Variants in ITGAL observed in about 807,000 individuals in gnomAD.
The protein encoded by ITGAL is integrin alpha-L.
Under a neutral mutation model 138.4 loss-of-function variants are expected in ITGAL, and 68 were observed. That is an observed-to-expected ratio of 0.49 (90% CI 0.40 to 0.60). The LOEUF (loss-of-function observed/expected upper bound fraction) is 0.60, where lower values mean the gene tolerates loss of function less well. ITGAL is among the 20% of genes least tolerant of loss of function. The probability of loss-of-function intolerance (pLI) is 0.00; values close to 1 mark genes in which losing one functional copy is unlikely to be tolerated. For missense variants in ITGAL, 1,256 were observed against 1,478.6 expected, an observed-to-expected ratio of 0.85 and a Z score of 2.47; for synonymous variants, 561 against 584.3, an observed-to-expected ratio of 0.96 and a Z score of 0.57.
chr16:30,493,600 A>G (rs2050757853), intron 11 of ITGAL, among the ~76,000 whole-genome samples: 1 of 152,054 alleles, frequency 6.6e-6, no homozygotes, highest in African/African-American at 2.4e-5. Context: ...ATTATTTAAG[A>G]AAAAAGAGGC....
chr16:30,484,337 G>T (rs529546830), intron 9 of ITGAL, 74 bp downstream of exon 9: 3 of 1,430,970 alleles, frequency 2.1e-6, no homozygotes, highest in South Asian at 2.6e-5. Flanking sequence ...GGCCGGGCTT[G>T]GTGGCTCACA....
chr16:30,489,417 C>T (rs1247777770), intron 11 of ITGAL, 31 bp downstream of exon 11: 1 of 1,609,808 alleles, frequency 6.2e-7, no homozygotes, highest in Non-Finnish European at 8.5e-7. Flanking sequence ...CTGGGATCTT[C>T]TGGTTGTTGA....
intron 18 of ITGAL, among the ~76,000 whole-genome samples, chr16:30,504,489 G>C (rs2050953737): frequency 6.6e-6 from 1 of 152,054 alleles, no homozygotes; most frequent in South Asian, 2.1e-4. Context: ...GTGCACTTGA[G>C]GCCAGGAGTT....
At chr16:30,502,499 C>A (rs986926971) in intron 17 of ITGAL, among the ~76,000 whole-genome samples, 2 of 151,370 alleles carry the variant, frequency 1.3e-5, no homozygotes, top group Non-Finnish European at 2.9e-5. Flanking sequence ...GTAATCCCAG[C>A]ACTTTGGGAG....
chr16:30,505,433 A>C lies in ITGAL; in HGVS notation c.2337A>C (p.Ala779=). Residue 779 remains alanine (A), a synonymous_variant, in exon 20 of 31, where the codon GCA becomes GCC. Coordinates refer to ENST00000356798, the MANE Select transcript of ITGAL (RefSeq NM_002209.3). The part of the protein sequence containing the change: ...KNCGEDKKCE[A]NLRVSFSPAR... Reference sequence around the variant, plus strand: ...GTGGGGAGGACAAGAAGTGTGAGGCAAACTTGAGAGTGTCCTTCTCTCCTG... The same window carrying C: ...GTGGGGAGGACAAGAAGTGTGAGGCCAACTTGAGAGTGTCCTTCTCTCCTG... 2 of 1,613,984 alleles carry C rather than the reference A, an allele frequency of 1.2e-6. No homozygotes were observed. The highest frequency in any genetic ancestry group is 1.7e-6 in the Non-Finnish European group (2 of 1,179,988).
At position 30,499,115 on chromosome 16, in the gene ITGAL, C is replaced by T; in HGVS notation, c.1874C>T (p.Ser625Phe). Residue 625 changes from serine (S) to phenylalanine (F), a missense_variant, in exon 16 of 31, where the codon TCT becomes TTT. Physicochemically the swap from Ser to Phe is radical, Grantham distance 155. Transcript: ENST00000356798. ...GATATGGTCACCCTGATGTCCTTCT[C>T]TCCAGCTGAGATCCCAGTGCATGAA... ...VVDMVTLMSF[S>F]PAEIPVHEVE... 6.2e-7 allele frequency: 1 copy of T among 1,614,134 alleles called. No individual in the cohort carries two copies. The highest frequency in any genetic ancestry group is 8.5e-7 in the Non-Finnish European group (1 of 1,180,032).
Position 30,506,709 on chromosome 16 carries a change from C to T in ITGAL, c.2367-6C>T. On this transcript the variant is annotated splice_region_variant and splice_polypyrimidine_tract_variant and intron_variant, in intron 20 of 30. Coordinates refer to ENST00000356798, the MANE Select transcript of ITGAL (RefSeq NM_002209.3). ...TCCTCCATCTTTCCCTGATCATCCC[C>T]CACAGATCCAGAGCCCTGCGTCTAA... 5 of 1,612,626 alleles carry T rather than the reference C, an allele frequency of 3.1e-6. No individual in the cohort carries two copies. Among genetic ancestry groups the T allele is most frequent in the South Asian group, 1.1e-5 (1 of 90,992 alleles).
chr16:30,519,014 A>G lies in ITGAL; in HGVS notation c.3228+295A>G, dbSNP rs142422097. Among the ~76,000 whole-genome samples the G allele has an allele frequency of 7.0e-3, 1,073 of 152,254 alleles. 14 individuals carry two copies. The highest frequency in any genetic ancestry group is 0.024 in the African/African-American group (1,003 of 41,524). On this transcript the variant is annotated intron_variant, in intron 29 of 30. Coordinates refer to ENST00000356798, the MANE Select transcript of ITGAL (RefSeq NM_002209.3). ...CAAGGTAGGCAGATCACATGAAGTG[A>G]GGAGTTCAAGACCAGCCTGGCCAAC...
At chr16:30,475,150 G>T in intron 2 of ITGAL, 156 bp from the exon 3 acceptor site, 1 of 611,422 alleles carries the variant, frequency 1.6e-6, no homozygotes, top group Non-Finnish European at 3.0e-6. Context: ...AAAGTTACAG[G>T]CATGAGCCAC....
At chr16:30,495,184 C>G (rs1354422559) in intron 13 of ITGAL, among the ~76,000 whole-genome samples, 1 of 152,130 alleles carries the variant, frequency 6.6e-6, no homozygotes, top group African/African-American at 2.4e-5. Flanking sequence ...GCCACCATGC[C>G]CAGCTAATTT....
rs561246466 is a variant in ITGAL, at chr16:30,513,137, A to T, written c.2787-634A>T. ...GGCTTGGACTGGGGTCTGGAGGATG[A>T]GGCCATTAGGGGAAGAGCTAAAAAG... On this transcript the variant is annotated intron_variant, in intron 24 of 30. Coordinates refer to ENST00000356798, the MANE Select transcript of ITGAL (RefSeq NM_002209.3). 7.9e-5 allele frequency among the ~76,000 whole-genome samples: 12 copies of T among 152,332 alleles called. No individual in the cohort carries two copies. In the South Asian group the frequency reaches 2.5e-3, roughly 32 times the overall value.
At chr16:30,503,417 T>C (rs1355420177) in intron 17 of ITGAL, among the ~76,000 whole-genome samples, 1 of 150,522 alleles carries the variant, frequency 6.6e-6, no homozygotes, top group Non-Finnish European at 1.5e-5. Flanking sequence ...AGGACAACTG[T>C]GCCACCTTTT....
chr16:30,474,025 G>A (rs1356928175), intron 1 of ITGAL, 171 bp from the exon 2 acceptor site: 6 of 697,374 alleles, frequency 8.6e-6, no homozygotes, highest in Non-Finnish European at 1.6e-5. Flanking sequence ...GCTCTAGGGG[G>A]GCCGGGAGTT....
At chr16:30,514,439 G>A (rs1755393405) in intron 25 of ITGAL, among the ~76,000 whole-genome samples, 1 of 152,122 alleles carries the variant, frequency 6.6e-6, no homozygotes, top group South Asian at 2.1e-4. Context: ...ACCATGCCCG[G>A]CTAATTTTTG....
intron 18 of ITGAL, among the ~76,000 whole-genome samples, chr16:30,504,721 A>G (rs528270572): frequency 0.012 from 1,833 of 151,134 alleles, 37 homozygotes; most frequent in African/African-American, 0.043. Flanking sequence ...AGAAGAAAAA[A>G]AAAAAAAAGA....
rs549814414 is a variant in ITGAL at position 30,507,856 on chromosome 16, TG to T, written c.2508+1001del. On this transcript the variant is annotated intron_variant, in intron 21 of 30. Coordinates refer to ENST00000356798, the MANE Select transcript of ITGAL (RefSeq NM_002209.3). ...ATAGACCATATTTTACCTATTTATC[TG>T]TCAATGAACACTTGAATTATTCTTT... is the stretch of plus-strand genomic sequence containing the variant. Among the ~76,000 whole-genome samples the T allele has an allele frequency of 9.7e-4, 147 of 152,234 alleles. 1 individual carries two copies. Among genetic ancestry groups the T allele is most frequent in the Non-Finnish European group, 1.6e-3 (109 of 68,020 alleles).
At chr16:30,517,960 G>A (rs943230476) in intron 28 of ITGAL, 65 bp downstream of exon 28, 100 of 1,323,058 alleles carry the variant, frequency 7.6e-5, no homozygotes, top group South Asian at 1.2e-4. Flanking sequence ...GCCGTTGTGG[G>A]TGGGCTCCCA....
Position 30,521,610 on chromosome 16 carries a change from G to A in ITGAL, c.3458G>A (p.Gly1153Asp). Residue 1153 changes from glycine to aspartate, a missense_variant, in exon 31 of 31, where the codon GGC becomes GAC. Physicochemically the swap from Gly to Asp is moderately conservative, Grantham distance 94. Around this residue, in one of 3 missense-constraint regions of ITGAL, gnomAD observed 867 missense variants for 972.5 expected, o/e 0.89. Coordinates refer to ENST00000356798, the MANE Select transcript of ITGAL (RefSeq NM_002209.3). ...LASGQEAGDP[G>D]CLKPLHEKDS... ...TCTGGGCAAGAGGCTGGGGATCCCG[G>A]CTGCCTGAAGCCCCTCCATGAGAAG... is the stretch of plus-strand genomic sequence containing the variant. 1.2e-6 allele frequency: 2 copies of A among 1,614,152 alleles called. No homozygotes were observed. The highest frequency in any genetic ancestry group is 1.7e-6 in the Non-Finnish European group (2 of 1,180,032).
chr16:30,512,587 A>G (rs115229322), intron 24 of ITGAL, among the ~76,000 whole-genome samples: 27,691 of 143,876 alleles, frequency 0.19, 2,726 homozygotes, highest in Non-Finnish European at 0.24. Flanking sequence ...ACCCTGTGTG[A>G]AAAAAAAAAA....
Sources: allele counts gnomAD v4.1 joint callset (sites outside exome capture counted in the v4.1 genomes callset), GRCh38; gene constraint gnomAD v4.1.1; regional missense constraint gnomAD v4.1.1; transcripts MANE v1.5; gene names NCBI Gene and HGNC (gene_info 2026-07-23, HGNC 2026-07-21).